The following KIF16B variants were observed in gnomAD, a reference collection of about 807,000 sequenced individuals.
KIF16B encodes kinesin-like protein KIF16B.
In KIF16B, 98 loss-of-function variants were observed where a neutral mutation model predicts 156.3. The ratio of observed to expected loss-of-function variants is 0.63; its 90% CI spans 0.53 to 0.74. The LOEUF (loss-of-function observed/expected upper bound fraction) is 0.74. Ranked by LOEUF, KIF16B falls within the 30% of genes least tolerant of loss-of-function variation. KIF16B has a pLI of 0.00. For synonymous variants in KIF16B, 564 were observed against 583.7 expected, an observed-to-expected ratio of 0.97 and a Z score of 0.49; for missense variants, 1,421 against 1,606.5, an observed-to-expected ratio of 0.88 and a Z score of 1.97.
chr20:16,427,023 T>C, intron 15 of KIF16B, 81 bp downstream of exon 15: 2 of 1,203,688 alleles, frequency 1.7e-6, no homozygotes, highest in Middle Eastern at 2.1e-4. Flanking sequence ...AATTCTAAGA[T>C]GCACATGTTC....
rs762679846 is a variant in KIF16B at position 16,381,679 on chromosome 20, C to T, written c.1838+15G>A. On this transcript the variant is annotated intron_variant, in intron 18 of 25. Coordinates refer to ENST00000354981, the MANE Select transcript of KIF16B (RefSeq NM_024704.5). Reference sequence around the variant, plus strand: ...GACTACAGGAGTGTTGAAACTTGAACCCCATGTGACTTACCTTTTACTTTC... The same window carrying T: ...GACTACAGGAGTGTTGAAACTTGAATCCCATGTGACTTACCTTTTACTTTC... The T allele has an allele frequency of 4.4e-6, 7 of 1,606,612 alleles. No individual in the cohort carries two copies. Among genetic ancestry groups the T allele is most frequent in the Non-Finnish European group, 6.0e-6 (7 of 1,174,190 alleles).
At position 16,399,275 on chromosome 20, in the gene KIF16B, C is replaced by A. The variant is rs1600291861; in HGVS notation, c.1784+5538G>T. ...AATGAGATGCAATGCATTGGGAGCA[C>A]AGGTCTGGGGTGACATGTGTGGCTT... On this transcript the variant is annotated intron_variant, in intron 17 of 25. Transcript: ENST00000354981. 2.0e-5 allele frequency among the ~76,000 whole-genome samples: 3 copies of A among 152,260 alleles called. No individual in the cohort carries two copies. The South Asian group carries it at 6.2e-4, about 32-fold the overall frequency.
At chr20:16,408,066 C>T (rs2065831548) in intron 15 of KIF16B, among the ~76,000 whole-genome samples, 1 of 152,126 alleles carries the variant, frequency 6.6e-6, no homozygotes, top group Non-Finnish European at 1.5e-5. Context: ...CAGGAAATAT[C>T]ATAATACCAG....
chr20:16,481,334 T>C (rs1204975166), intron 12 of KIF16B, among the ~76,000 whole-genome samples: 1 of 152,140 alleles, frequency 6.6e-6, no homozygotes, highest in African/African-American at 2.4e-5. Flanking sequence ...TAGCTGGGAC[T>C]ACAGGCGTAT....
intron 12 of KIF16B, among the ~76,000 whole-genome samples, chr20:16,486,689 A>G (rs1300280210): frequency 1.3e-5 from 2 of 152,172 alleles, no homozygotes; most frequent in African/African-American, 2.4e-5. Flanking sequence ...TTGGAAACTC[A>G]ATATATTATC....
At chr20:16,496,549 AGAT>A (rs2068456738) in intron 11 of KIF16B, among the ~76,000 whole-genome samples, 1 of 152,246 alleles carries the variant, frequency 6.6e-6, no homozygotes, top group Admixed American at 6.5e-5. Context: ...GCAAAAAACT[AGAT>A]GATAATTTAG....
chr20:16,554,546 G>A (rs1042257040), intron 1 of KIF16B, among the ~76,000 whole-genome samples: 1 of 152,186 alleles, frequency 6.6e-6, no homozygotes, highest in African/African-American at 2.4e-5. Context: ...ACTTTCCCAT[G>A]TACCTTATTC....
At chr20:16,467,206 A>G (rs920766169) in intron 12 of KIF16B, among the ~76,000 whole-genome samples, 3 of 152,296 alleles carry the variant, frequency 2.0e-5, no homozygotes, top group Non-Finnish European at 4.4e-5. Flanking sequence ...CAGGGCAGGG[A>G]GAGGACACTG....
In KIF16B at chr20:16,352,786, C is replaced by A. The variant is rs548868484; in HGVS notation, c.3621+3544G>T. Among the ~76,000 whole-genome samples, 11 of 152,278 alleles carry A rather than the reference C, an allele frequency of 7.2e-5. No individual in the cohort carries two copies. The South Asian group carries it at 2.3e-3, about 32-fold the overall frequency. ...ACAAAGGAGAACCTGGGCAGCTACACCCCTGGCGTGTTGTCTCCCTCCTGG... is the reference window on the plus strand; with the variant it reads ...ACAAAGGAGAACCTGGGCAGCTACAACCCTGGCGTGTTGTCTCCCTCCTGG... On this transcript the variant is annotated intron_variant, in intron 23 of 25. Coordinates refer to ENST00000354981, the MANE Select transcript of KIF16B (RefSeq NM_024704.5).
intron 1 of KIF16B, among the ~76,000 whole-genome samples, chr20:16,563,383 T>G (rs2071139747): frequency 6.6e-6 from 1 of 152,184 alleles, no homozygotes; most frequent in African/African-American, 2.4e-5. Context: ...AATCTCTCAG[T>G]CCTCAGGAAG....
intron 23 of KIF16B, among the ~76,000 whole-genome samples, chr20:16,349,993 T>A (rs1441112882): frequency 1.3e-5 from 2 of 152,254 alleles, no homozygotes; most frequent in Non-Finnish European, 2.9e-5. Flanking sequence ...CCTGGAACAC[T>A]TCCGTGAGGT....
chr20:16,557,797 A>C (rs2070906724), intron 1 of KIF16B, among the ~76,000 whole-genome samples: 1 of 152,100 alleles, frequency 6.6e-6, no homozygotes, highest in African/African-American at 2.4e-5. Context: ...GTTTCCGCTA[A>C]AATCCTTGCC....
At chr20:16,405,777 G>A (rs1365398562) in intron 16 of KIF16B, among the ~76,000 whole-genome samples, 5 of 152,134 alleles carry the variant, frequency 3.3e-5, no homozygotes, top group South Asian at 2.1e-4. Flanking sequence ...TTCCTGGCTC[G>A]TAGAAATGTT....
chr20:16,407,621 G>A (rs1416130868), intron 15 of KIF16B, among the ~76,000 whole-genome samples: 2 of 152,104 alleles, frequency 1.3e-5, no homozygotes, highest in East Asian at 3.9e-4. Flanking sequence ...AGAATGGCCT[G>A]CTATGCTCAG....
chr20:16,370,504 C>A, intron 22 of KIF16B, 82 bp downstream of exon 22: 2 of 1,148,038 alleles, frequency 1.7e-6, no homozygotes, highest in South Asian at 1.6e-5. Flanking sequence ...TCTAATTATG[C>A]AACTAGACAT....
At chr20:16,353,247 G>A (rs999609294) in intron 23 of KIF16B, among the ~76,000 whole-genome samples, 2 of 152,064 alleles carry the variant, frequency 1.3e-5, no homozygotes, top group East Asian at 3.9e-4. Context: ...ATTACCATAA[G>A]CATGACTATT....
chr20:16,283,143 TTGG>T (rs1395759099), intron 25 of KIF16B, among the ~76,000 whole-genome samples: 1 of 152,164 alleles, frequency 6.6e-6, no homozygotes, highest in Non-Finnish European at 1.5e-5. Context: ...ATGGTATACT[TTGG>T]GCTTTGTAGG....
Position 16,396,033 on chromosome 20 carries a change from T to C in KIF16B, c.1784+8780A>G, listed in dbSNP as rs1053872619. The stretch of plus-strand genomic sequence containing the variant: ...AATTAATCATGAGAAAATGCAAAGA[T>C]TCAGCTACAAAGCTCTTCAGCCCAA... On this transcript the variant is annotated intron_variant, in intron 17 of 25. Coordinates refer to ENST00000354981, the MANE Select transcript of KIF16B (RefSeq NM_024704.5). 7.9e-5 allele frequency among the ~76,000 whole-genome samples: 12 copies of C among 152,158 alleles called. 1 individual carries two copies. Among genetic ancestry groups the C allele is most frequent in the African/African-American group, 2.9e-4 (12 of 41,446 alleles).
Position 16,374,359 on chromosome 20 carries a change from C to A in KIF16B, c.3248G>T (p.Gly1083Val), listed in dbSNP as rs1395803363. 1.2e-6 allele frequency: 2 copies of A among 1,600,472 alleles called. No individual in the cohort carries two copies. Among genetic ancestry groups the A allele is most frequent in the South Asian group, 2.3e-5 (2 of 88,192 alleles). ...QLKQKIYEVD[G>V]VQKDHHGTLE... ...GGTCCCATGATGATCTTTTTGAACA[C>A]CATCGACCTCATAAATCTTCTGTTT... is the stretch of plus-strand genomic sequence containing the variant. Residue 1083 changes from glycine (G) to valine (V), a missense_variant, in exon 20 of 26, where the codon GGT becomes GTT. Gly to Val is a moderately radical substitution (Grantham distance 109, BLOSUM62 -3). Transcript: ENST00000354981.
Sources: gnomAD v4.1 joint callset for allele counts (sites outside exome capture counted in the v4.1 genomes callset) on GRCh38, gnomAD v4.1.1 for gene constraint, MANE v1.5 for transcripts, NCBI Gene and HGNC (gene_info 2026-07-23, HGNC 2026-07-21) for gene names.